Variants in ITGB2 observed in about 807,000 individuals in gnomAD.
ITGB2 encodes the protein integrin beta-2.
A neutral mutation model predicts 86.8 loss-of-function variants in ITGB2; 56 were observed. The ratio of observed to expected loss-of-function variants is 0.65; its 90% CI spans 0.52 to 0.81. ITGB2 has a LOEUF of 0.81. Ranked by LOEUF, ITGB2 falls within the 30% of genes least tolerant of loss-of-function variation. The probability of loss-of-function intolerance (pLI) is 0.00; values close to 1 mark genes in which losing one functional copy is unlikely to be tolerated. For missense variants in ITGB2, 948 were observed against 1,061.2 expected (o/e 0.89, Z 1.48); for synonymous variants, 457 against 450.4 (o/e 1.01, Z -0.19).
Position 44,900,304 on chromosome 21 carries a change from T to G in ITGB2, c.897+16A>C. 1 of 1,614,150 alleles carries G rather than the reference T, an allele frequency of 6.2e-7. No homozygotes were observed. The highest frequency in any genetic ancestry group is 8.5e-7 in the Non-Finnish European group (1 of 1,179,996). ...TCCTGCCAGGCGGTGCCTGGGTGCC[T>G]GGGGTGGGGACTTACGAATTCGTTG... On this transcript the variant is annotated intron_variant, in intron 7 of 15. Coordinates refer to ENST00000652462, the MANE Select transcript of ITGB2 (RefSeq NM_000211.5).
At position 44,915,346 on chromosome 21, in the gene ITGB2, C is replaced by T. The variant is rs544856889; in HGVS notation, c.-3-4561G>A. ...GTCTCAGGCTTCCTTTTTGCAACCCCGTAAAACCCTAAGACGAGACTGCTT... is the reference window on the plus strand; with the variant it reads ...GTCTCAGGCTTCCTTTTTGCAACCCTGTAAAACCCTAAGACGAGACTGCTT... On this transcript the variant is annotated intron_variant, in intron 1 of 15. Coordinates refer to ENST00000652462, the MANE Select transcript of ITGB2 (RefSeq NM_000211.5). Among the ~76,000 whole-genome samples the T allele has an allele frequency of 7.9e-5, 12 of 152,230 alleles. No homozygotes were observed. The South Asian group carries it at 1.0e-3, about 13-fold the overall frequency.
chr21:44,914,329 C>T (rs1000363706), intron 1 of ITGB2: 19 of 152,476 alleles, frequency 1.2e-4, no homozygotes, highest in African/African-American at 4.6e-4. Context: ...AACCCCAGCC[C>T]AGCTGCAGGA....
rs1601292676 is a variant in ITGB2 at position 44,894,915 on chromosome 21, G to A, written c.1083+56C>T. 1.4e-5 allele frequency: 17 copies of A among 1,186,834 alleles called. 1 individual carries two copies. The Admixed American group carries it at 1.9e-4, about 13-fold the overall frequency. The allele number at this position is 1,186,834 out of a possible 1,614,324, so 73.5% of individuals were successfully genotyped here. A position where few individuals can be genotyped will look rare whatever the true frequency, so the allele number is the denominator to read the frequency against. ...GACCTGCAGCAGGAGCTGACCTGCA[G>A]TGGGGAGATTGCTGGCCACCCCATG... On this transcript the variant is annotated intron_variant, in intron 9 of 15. Transcript: ENST00000652462.
At chr21:44,895,483 T>C (rs181489801) in intron 8 of ITGB2, among the ~76,000 whole-genome samples, 2 of 152,114 alleles carry the variant, frequency 1.3e-5, no homozygotes, top group East Asian at 3.9e-4. Context: ...TGAGCTGAGA[T>C]CGCACCACTG....
intron 1 of ITGB2, 96 bp from the exon 2 acceptor site, chr21:44,910,881 T>A: frequency 1.6e-6 from 2 of 1,265,116 alleles, no homozygotes; most frequent in Non-Finnish European, 2.2e-6. Context: ...GACAAGGAGC[T>A]GGGGCCCTGT....
At chr21:44,921,513 C>T, upstream of ITGB2, among the ~76,000 whole-genome samples, 1 of 151,760 alleles carries the variant, frequency 6.6e-6, no homozygotes. Context: ...GGATGAGGTC[C>T]TGTTAACTAG....
intron 7 of ITGB2, among the ~76,000 whole-genome samples, 161 bp from the exon 8 acceptor site, chr21:44,899,323 A>C (rs1465066216): frequency 6.6e-6 from 1 of 152,258 alleles, no homozygotes; most frequent in African/African-American, 2.4e-5. Context: ...TGCAGGGCAG[A>C]GAGCTGCCAC....
intron 1 of ITGB2, 42 bp from the exon 2 acceptor site, chr21:44,910,827 C>A (rs775588443): frequency 1.3e-6 from 2 of 1,587,830 alleles, no homozygotes; most frequent in South Asian, 2.2e-5. Context: ...CAGGCCCAAC[C>A]CCTGGGGCTG....
intron 9 of ITGB2, 178 bp downstream of exon 9, chr21:44,894,793 A>C (rs951752097): frequency 1.5e-6 from 1 of 661,284 alleles, no homozygotes. Flanking sequence ...TCCCCGTGGA[A>C]GTGCCGGGCC....
chr21:44,902,304 TG>T (rs1266509129), intron 5 of ITGB2, among the ~76,000 whole-genome samples: 29 of 152,214 alleles, frequency 1.9e-4, no homozygotes, highest in African/African-American at 6.8e-4. Flanking sequence ...TATGACTGTG[TG>T]TGCATGTGTG....
At chr21:44,914,642 G>T (rs1372209702) in intron 1 of ITGB2, among the ~76,000 whole-genome samples, 2 of 152,212 alleles carry the variant, frequency 1.3e-5, no homozygotes, top group African/African-American at 4.8e-5. Context: ...GAAAGGAAGA[G>T]GCCAGCCTGG....
Position 44,900,388 on chromosome 21 carries a change from C to T in ITGB2, c.829G>A (p.Ala277Thr), listed in dbSNP as rs752291593. ...FHFAGDGKLG[A>T]ILTPNDGRCH... Reference sequence around the variant, plus strand: ...CGGCCGTCGTTGGGGGTCAGGATGGCGCCCAGCTTCCCGTCGCCCGCGAAA... The same window carrying T: ...CGGCCGTCGTTGGGGGTCAGGATGGTGCCCAGCTTCCCGTCGCCCGCGAAA... Residue 277 changes from alanine to threonine, a missense_variant, in exon 7 of 16, where the codon GCC becomes ACC. Transcript: ENST00000652462. 4.0e-5 allele frequency: 64 copies of T among 1,614,146 alleles called. 1 individual carries two copies. The highest frequency in any genetic ancestry group is 9.9e-5 in the South Asian group (9 of 91,086).
chr21:44,902,322 T>A, intron 5 of ITGB2, among the ~76,000 whole-genome samples: 1 of 152,374 alleles, frequency 6.6e-6, no homozygotes, highest in African/African-American at 2.4e-5. Flanking sequence ...TGTGTGCACA[T>A]GCAAGTGTGA....
chr21:44,886,579 C>A, intron 15 of ITGB2, 149 bp from the exon 16 acceptor site: 1 of 1,415,258 alleles, frequency 7.1e-7, no homozygotes. Flanking sequence ...CACCGGCAGC[C>A]AAGCTCACCC....
chr21:44,895,126 G>T, intron 8 of ITGB2, 66 bp from the exon 9 acceptor site: 1 of 1,195,060 alleles, frequency 8.4e-7, no homozygotes, highest in Non-Finnish European at 1.2e-6. Flanking sequence ...CACGCACTGG[G>T]CTCACCCCAG....
intron 8 of ITGB2, among the ~76,000 whole-genome samples, chr21:44,897,556 G>A (rs918017186): frequency 6.6e-6 from 1 of 152,204 alleles, no homozygotes; most frequent in Non-Finnish European, 1.5e-5. Context: ...CAGTACCCAC[G>A]ACGCACTGCC....
In ITGB2 at chr21:44,910,305, G is replaced by A. The variant is rs755609001; in HGVS notation, c.126C>T (p.Gly42=). 5 of 1,614,004 alleles carry A rather than the reference G, an allele frequency of 3.1e-6. No homozygotes were observed. Among genetic ancestry groups the A allele is most frequent in the Middle Eastern group, 1.6e-4 (1 of 6,082 alleles). The change falls in exon 3 of 16, where the codon GGC becomes GGT. Residue 42 remains glycine (G), a synonymous_variant. Transcript: ENST00000652462. ...TTACCAGCTTCTGGCACCAGGTGCA[G>A]CCGGGCCCCGACTCGATGCATTCCC... ...SCRECIESGP[G]CTWCQKLNFT... is the part of the protein sequence containing the mutation.
intron 5 of ITGB2, among the ~76,000 whole-genome samples, chr21:44,902,943 C>T (rs911905430): frequency 2.0e-5 from 3 of 152,238 alleles, no homozygotes; most frequent in Non-Finnish European, 4.4e-5. Flanking sequence ...GAGACCTGCT[C>T]TGTGGCAAGG....
chr21:44,890,741 C>T (rs2083775128), intron 11 of ITGB2, among the ~76,000 whole-genome samples: 2 of 152,174 alleles, frequency 1.3e-5, no homozygotes, highest in Admixed American at 6.5e-5. Context: ...CACCCTGAGG[C>T]ATCCTCAGAG....
Sources: allele counts gnomAD v4.1 joint callset (sites outside exome capture counted in the v4.1 genomes callset), GRCh38; gene constraint gnomAD v4.1.1; transcripts MANE v1.5; gene names NCBI Gene and HGNC (gene_info 2026-07-23, HGNC 2026-07-21).